The following NELL1 variants were observed in gnomAD, a reference collection of about 807,000 sequenced individuals.
NELL1 encodes neural EGFL like 1, also known as protein kinase C-binding protein NELL1.
Under a neutral mutation model 107.4 loss-of-function variants are expected in NELL1, and 76 were observed. The observed-to-expected ratio is 0.71, with a 90% CI of 0.59 to 0.86. The LOEUF is 0.86. NELL1 is among the 40% of genes least tolerant of loss of function. The pLI, the probability that NELL1 is intolerant of heterozygous loss-of-function variation, is 0.00. For synonymous variants in NELL1, 353 were observed against 341.2 expected, an observed-to-expected ratio of 1.03 and a Z score of -0.38; for missense variants, 1,024 against 1,005.5, an observed-to-expected ratio of 1.02 and a Z score of -0.25.
chr11:21,492,145 T>G (rs1316161448), intron 15 of NELL1, among the ~76,000 whole-genome samples: 2 of 151,950 alleles, frequency 1.3e-5, no homozygotes, highest in African/African-American at 4.8e-5. Flanking sequence ...CATGAAAAAA[T>G]GCTCACCATC....
At chr11:21,487,360 A>C (rs1854660719) in intron 15 of NELL1, among the ~76,000 whole-genome samples, 1 of 152,166 alleles carries the variant, frequency 6.6e-6, no homozygotes, top group South Asian at 2.1e-4. Context: ...CAGTAAAATT[A>C]CCCTTCATAA....
rs899509021 is a variant in NELL1, at chr11:21,528,515, C to CT, written c.1646-5859_1646-5858insT. 1.9e-4 allele frequency among the ~76,000 whole-genome samples: 8 copies of CT among 42,524 alleles called. 1 individual carries two copies. The East Asian group carries it at 6.4e-3, about 34-fold the overall frequency. 27.9% of individuals were successfully genotyped at this position (42,524 alleles called of 152,430 possible). A position where few individuals can be genotyped will look rare whatever the true frequency, so the allele number is the denominator to read the frequency against. ...GTGATCTCTTTGCACATACCCACCC[C>CT]CCCCCCCTTTTTTTTTTTCCACAAT... On this transcript the variant is annotated intron_variant, in intron 15 of 19. Transcript: ENST00000357134.
At chr11:21,273,105 G>T (rs996255577) in intron 14 of NELL1, among the ~76,000 whole-genome samples, 1 of 152,080 alleles carries the variant, frequency 6.6e-6, no homozygotes, top group East Asian at 1.9e-4. Context: ...AAACTACTCC[G>T]AGCTACAGGA....
At chr11:21,032,423 T>C (rs1284787781) in intron 12 of NELL1, among the ~76,000 whole-genome samples, 1 of 152,212 alleles carries the variant, frequency 6.6e-6, no homozygotes, top group Non-Finnish European at 1.5e-5. Flanking sequence ...AGAATCTCAC[T>C]CTGTTGCCCA....
intron 18 of NELL1, among the ~76,000 whole-genome samples, chr11:21,571,523 G>A (rs1303199293): frequency 6.6e-6 from 1 of 151,758 alleles, no homozygotes. Flanking sequence ...TATGTAAGAA[G>A]GACAAATACA....
intron 2 of NELL1, among the ~76,000 whole-genome samples, chr11:20,732,643 G>A (rs1855673551): frequency 6.6e-6 from 1 of 152,048 alleles, no homozygotes; most frequent in Non-Finnish European, 1.5e-5. Flanking sequence ...GAGAAGTGGG[G>A]GAAGGCATAT....
intron 15 of NELL1, among the ~76,000 whole-genome samples, chr11:21,411,858 G>T (rs947466057): frequency 3.3e-5 from 5 of 152,082 alleles, no homozygotes; most frequent in African/African-American, 1.2e-4. Context: ...ACAGTGCCTT[G>T]TTAGGACTTT....
At chr11:21,434,179 GA>G (rs1853043679) in intron 15 of NELL1, among the ~76,000 whole-genome samples, 1 of 152,040 alleles carries the variant, frequency 6.6e-6, no homozygotes, top group South Asian at 2.1e-4. Flanking sequence ...TGCTATACAG[GA>G]GATTTTTTTG....
intron 14 of NELL1, among the ~76,000 whole-genome samples, chr11:21,342,642 TAAAAA>T (rs369016970): frequency 2.5e-5 from 3 of 120,764 alleles, no homozygotes; most frequent in African/African-American, 6.6e-5. Flanking sequence ...AGACTGTCTT[TAAAAA>T]AAAAAAAAAA....
At chr11:21,565,365 G>A (rs1008137320) in intron 17 of NELL1, among the ~76,000 whole-genome samples, 2 of 151,778 alleles carry the variant, frequency 1.3e-5, no homozygotes, top group African/African-American at 2.4e-5. Flanking sequence ...GAGCTTGAAC[G>A]TTACACCATG....
chr11:21,227,481 C>A (rs909654629), intron 13 of NELL1, among the ~76,000 whole-genome samples: 3 of 152,110 alleles, frequency 2.0e-5, no homozygotes, highest in Non-Finnish European at 4.4e-5. Flanking sequence ...ATTCCCAGTA[C>A]AGAACATAAT....
intron 12 of NELL1, among the ~76,000 whole-genome samples, chr11:20,993,840 G>T (rs1290324397): frequency 6.6e-6 from 1 of 151,000 alleles, no homozygotes; most frequent in Admixed American, 6.6e-5. Context: ...TCCATGGATC[G>T]GGGGATGGGG....
intron 15 of NELL1, among the ~76,000 whole-genome samples, chr11:21,502,737 A>G (rs2133933978): frequency 6.6e-6 from 1 of 152,308 alleles, no homozygotes; most frequent in Non-Finnish European, 1.5e-5. Context: ...TACACACATC[A>G]TTGTGACTAC....
chr11:21,267,944 G>A (rs772956937), intron 14 of NELL1, among the ~76,000 whole-genome samples: 2 of 152,132 alleles, frequency 1.3e-5, no homozygotes, highest in South Asian at 4.1e-4. Flanking sequence ...GTAAATGTGT[G>A]TCATTATAGG....
At chr11:21,466,971 C>T (rs553852499) in intron 15 of NELL1, among the ~76,000 whole-genome samples, 3 of 152,048 alleles carry the variant, frequency 2.0e-5, no homozygotes, top group African/African-American at 7.2e-5. Context: ...GAGTCTAGAA[C>T]CCAACTCTAT....
Position 21,229,364 on chromosome 11 carries a change from TG to T in NELL1, c.1460del (p.Cys487LeufsTer116), listed in dbSNP as rs1857981495. ...TGAATGTGGCAGCGGCCAGCACAAC[TG>T]TGATGAGAATGCCATCTGCACCAAC... ...HDECGSGQHN[C>X]DENAICTNTV... On this transcript the variant is annotated frameshift_variant, in exon 14 of 20. Transcript: ENST00000357134. LOFTEE classifies it high-confidence loss of function. 6.2e-7 allele frequency: 1 copy of T among 1,613,834 alleles called. No individual in the cohort carries two copies. The highest frequency in any genetic ancestry group is 8.5e-7 in the Non-Finnish European group (1 of 1,179,910).
intron 9 of NELL1, chr11:20,935,908 G>A: frequency 6.6e-6 from 1 of 152,612 alleles, no homozygotes; most frequent in Non-Finnish European, 1.5e-5. Flanking sequence ...TGTGGGAGCT[G>A]GGATGGATAC....
intron 2 of NELL1, among the ~76,000 whole-genome samples, chr11:20,705,126 T>A (rs919380577): frequency 2.0e-5 from 3 of 152,182 alleles, no homozygotes; most frequent in Admixed American, 6.5e-5. Flanking sequence ...CCCATCAAGC[T>A]ACCAATGGCT....
chr11:21,165,138 T>C (rs1856452599), intron 13 of NELL1, among the ~76,000 whole-genome samples: 1 of 152,224 alleles, frequency 6.6e-6, no homozygotes, highest in South Asian at 2.1e-4. Flanking sequence ...CATGACCTCA[T>C]GGTGCCATTC....
Sources: gnomAD v4.1 joint callset for allele counts (sites outside exome capture counted in the v4.1 genomes callset) on GRCh38, gnomAD v4.1.1 for gene constraint, MANE v1.5 for transcripts, NCBI Gene and HGNC (gene_info 2026-07-23, HGNC 2026-07-21) for gene names.